The following DISP2 variants were observed in gnomAD, a reference collection of about 807,000 sequenced individuals.
DISP2 encodes the protein dispatched RND transporter family member 2.
A neutral mutation model predicts 95.5 loss-of-function variants in DISP2; 59 were observed. That is an observed-to-expected ratio of 0.62 (90% CI 0.50 to 0.77). The LOEUF (loss-of-function observed/expected upper bound fraction) is 0.77, where lower values mean the gene tolerates loss of function less well. Ranked by LOEUF, DISP2 falls within the 30% of genes least tolerant of loss-of-function variation. The pLI is 0.00. For synonymous variants in DISP2, 827 were observed against 815.0 expected, an observed-to-expected ratio of 1.01 and a Z score of -0.25; for missense variants, 1,752 against 1,854.6, an observed-to-expected ratio of 0.94 and a Z score of 1.02.
At position 40,367,864 on chromosome 15, in the gene DISP2, C is replaced by T. The variant is rs749620428; in HGVS notation, c.1752C>T (p.Arg584=). The change falls in exon 8 of 8, where the codon CGC becomes CGT. Residue 584 remains arginine, a synonymous_variant. Coordinates refer to ENST00000267889, the MANE Select transcript of DISP2 (RefSeq NM_033510.3). Reference sequence around the variant, plus strand: ...GGGGGCTGGCGCAGCGCGTGGGCCGCACCATGCACCACTTCGGCTACCTGC... The same window carrying T: ...GGGGGCTGGCGCAGCGCGTGGGCCGTACCATGCACCACTTCGGCTACCTGC... ...PSGGLAQRVG[R]TMHHFGYLLL... 3.8e-6 allele frequency: 6 copies of T among 1,599,946 alleles called. No homozygotes were observed. Among genetic ancestry groups the T allele is most frequent in the South Asian group, 3.3e-5 (3 of 90,988 alleles).
Position 40,368,103 on chromosome 15 carries a change from C to A in DISP2, c.1991C>A (p.Ala664Glu), listed in dbSNP as rs1292465631. 2.8e-5 allele frequency: 38 copies of A among 1,353,796 alleles called. No homozygotes were observed. The highest frequency in any genetic ancestry group is 3.9e-5 in the Admixed American group (1 of 25,382). 83.9% of individuals were successfully genotyped at this position (1,353,796 alleles called of 1,614,324 possible). Residue 664 changes from alanine (A) to glutamate (E), a missense_variant, in exon 8 of 8, where the codon GCG becomes GAG. Ala to Glu is a moderately radical substitution (Grantham distance 107, BLOSUM62 -1). Around this residue, in one of 5 missense-constraint regions of DISP2, gnomAD observed 732 missense variants for 714.6 expected, o/e 1.02. Transcript: ENST00000267889. The stretch of plus-strand genomic sequence containing the variant: ...GCGCGGGGCCGGTGGGAGGGCAGCG[C>A]GCCCCGGCGGCTACTGCTGGCGCTG... The part of the protein sequence containing the change: ...RRARGRWEGS[A>E]PRRLLLALHR...
In DISP2 at chr15:40,364,495, T is replaced by C. The variant is rs1357746109; in HGVS notation, c.554T>C (p.Leu185Pro). The stretch of plus-strand genomic sequence containing the variant: ...CTGGCTGTCATCTTCCTCTGCACCC[T>C]GGCTGGACTGTTGGGGGCCCGGCTG... ...LCLAVIFLCT[L>P]AGLLGARLPD... Residue 185 changes from leucine to proline, a missense_variant, in exon 4 of 8, where the codon CTG becomes CCG. By Grantham distance (98) the Leu-to-Pro change is moderately conservative (BLOSUM62 -3). Around this residue, in one of 5 missense-constraint regions of DISP2, gnomAD observed 342 missense variants for 364.3 expected, o/e 0.94. Transcript: ENST00000267889. 3 of 1,613,962 alleles carry C rather than the reference T, an allele frequency of 1.9e-6. No individual in the cohort carries two copies. The African/African-American group carries it at 4.0e-5, about 22-fold the overall frequency.
rs373924346 is a variant in DISP2, at chr15:40,370,156, G to A, written c.4044G>A (p.Val1348=). ...DTLWLALRET[V]YDPSLPASHH... ...TGTGGCTGGCGCTGAGGGAGACAGT[G>A]TATGACCCATCATTGCCCGCTTCCC... The change falls in exon 8 of 8, where the codon GTG becomes GTA. Residue 1348 remains valine, a synonymous_variant. Coordinates refer to ENST00000267889, the MANE Select transcript of DISP2 (RefSeq NM_033510.3). 6 of 1,612,022 alleles carry A rather than the reference G, an allele frequency of 3.7e-6. No individual in the cohort carries two copies. The highest frequency in any genetic ancestry group is 4.2e-6 in the Non-Finnish European group (5 of 1,179,138).
In DISP2 at chr15:40,364,871, A is replaced by G. The variant is rs768108479; in HGVS notation, c.637A>G (p.Lys213Glu). ...FEPRDTDIGS[K>E]LVVWRALQAL... ...GCCACGGGACACAGACATTGGGAGC[A>G]AGTTAGTGGTCTGGAGAGCACTACA... The change falls in exon 5 of 8, where the codon AAG becomes GAG. Residue 213 changes from lysine (K) to glutamate (E), a missense_variant. By Grantham distance (56) the Lys-to-Glu change is moderately conservative. This residue lies in a region of DISP2 where 342 missense variants were observed against 364.3 expected (regional missense o/e 0.94). Transcript: ENST00000267889. 3.1e-6 allele frequency: 5 copies of G among 1,614,132 alleles called. No individual in the cohort carries two copies. The highest frequency in any genetic ancestry group is 3.4e-6 in the Non-Finnish European group (4 of 1,180,006).
At chr15:40,367,034 T>C (rs1248910904) in intron 7 of DISP2, 24 bp from the exon 8 acceptor site, 1 of 1,602,440 alleles carries the variant, frequency 6.2e-7, no homozygotes, top group South Asian at 1.1e-5. Flanking sequence ...CCCTGAACTC[T>C]CCCCTCCTGC....
In DISP2 at chr15:40,358,262, C is replaced by A; in HGVS notation, c.-60C>A. On this transcript the variant is annotated 5_prime_UTR_variant, in exon 1 of 8. Coordinates refer to ENST00000267889, the MANE Select transcript of DISP2 (RefSeq NM_033510.3). ...CCGCCGCTGCCGCCGCCACCGCCGC[C>A]GCCGCCGCCGCCGCCGCGGCTTCAG... is the stretch of plus-strand genomic sequence containing the variant. 2 of 1,170,224 alleles carry A rather than the reference C, an allele frequency of 1.7e-6. No individual in the cohort carries two copies. Among genetic ancestry groups the A allele is most frequent in the Non-Finnish European group, 2.1e-6 (2 of 948,910 alleles). The allele number at this position is 1,170,224 out of a possible 1,614,324, so 72.5% of individuals were successfully genotyped here. A position where few individuals can be genotyped will look rare whatever the true frequency, so the allele number is the denominator to read the frequency against.
rs554293926 is a variant in DISP2, at chr15:40,372,034, G to A, written c.*1716G>A. Reference sequence around the variant, plus strand: ...GTCTCAGACTGGAAGGGGCCTTGGCGATCGTTTATTCCAGCAGTTTTCAAA... The same window carrying A: ...GTCTCAGACTGGAAGGGGCCTTGGCAATCGTTTATTCCAGCAGTTTTCAAA... On this transcript the variant is annotated 3_prime_UTR_variant, in exon 8 of 8. Transcript: ENST00000267889. The A allele has an allele frequency of 2.0e-5, 3 of 152,304 alleles. No homozygotes were observed. The highest frequency in any genetic ancestry group is 1.5e-5 in the Non-Finnish European group (1 of 68,030). 9.4% of individuals were successfully genotyped at this position (152,304 alleles called of 1,614,324 possible).
intron 1 of DISP2, among the ~76,000 whole-genome samples, chr15:40,362,260 A>G (rs1482650316): frequency 6.6e-6 from 1 of 152,158 alleles, no homozygotes; most frequent in Non-Finnish European, 1.5e-5. Context: ...TTGCTTCCAC[A>G]AACTTTCCCT....
rs1253338162 is a variant in DISP2 at position 40,374,511 on chromosome 15, T to C, written c.*4193T>C. 6.7e-6 allele frequency: 1 copy of C among 149,034 alleles called. No homozygotes were observed. Among genetic ancestry groups the C allele is most frequent in the East Asian group, 2.2e-4 (1 of 4,582 alleles). The allele number at this position is 149,034 out of a possible 1,614,324, so 9.2% of individuals were successfully genotyped here. The stretch of plus-strand genomic sequence containing the variant: ...CCCCCTCCAACTCATTCTGTCCTTC[T>C]CCCAGTGCATGTCAGGACAGGGAAG... On this transcript the variant is annotated 3_prime_UTR_variant, in exon 8 of 8. Transcript: ENST00000267889.
chr15:40,374,958 T>C lies in DISP2; in HGVS notation c.*4640T>C, dbSNP rs1372711440. ...GTATCTCATTTTTTGATAATACACA[T>C]GGGTAATGGCAAGCTCTTGGGACCC... is the stretch of plus-strand genomic sequence containing the variant. On this transcript the variant is annotated 3_prime_UTR_variant, in exon 8 of 8. Transcript: ENST00000267889. 1 of 152,150 alleles carries C rather than the reference T, an allele frequency of 6.6e-6. No homozygotes were observed. Among genetic ancestry groups the C allele is most frequent in the Non-Finnish European group, 1.5e-5 (1 of 68,032 alleles). 9.4% of individuals were successfully genotyped at this position (152,150 alleles called of 1,614,324 possible). A position where few individuals can be genotyped will look rare whatever the true frequency, so the allele number is the denominator to read the frequency against.
chr15:40,363,765 C>T lies in DISP2; in HGVS notation c.260C>T (p.Pro87Leu), dbSNP rs757425979. The T allele has an allele frequency of 6.2e-6, 10 of 1,613,860 alleles. No homozygotes were observed. Among genetic ancestry groups the T allele is most frequent in the Non-Finnish European group, 8.5e-6 (10 of 1,179,860 alleles). Residue 87 changes from proline to leucine, a missense_variant, in exon 2 of 8, where the codon CCC (proline) becomes CTC (leucine). Coordinates refer to ENST00000267889, the MANE Select transcript of DISP2 (RefSeq NM_033510.3). ...CTCCAGCCTGTGGGTCCATCCAGCC[C>T]CTTGGCCCCTGCCCACTTCACCTAT... ...STLQPVGPSS[P>L]LAPAHFTYPR...
In DISP2 at chr15:40,368,482, T is replaced by C; in HGVS notation, c.2370T>C (p.Arg790=). ...PVDTGDPLDP[R]SNSSLVRDPA... is the part of the protein sequence containing the mutation. ...ACACTGGCGACCCTCTGGACCCTCG[T>C]AGCAACAGCAGCCTGGTGAGGGACC... The change falls in exon 8 of 8, where the codon CGT becomes CGC. Residue 790 remains arginine (R), a synonymous_variant. Coordinates refer to ENST00000267889, the MANE Select transcript of DISP2 (RefSeq NM_033510.3). 6 of 1,608,890 alleles carry C rather than the reference T, an allele frequency of 3.7e-6. No individual in the cohort carries two copies. The highest frequency in any genetic ancestry group is 5.1e-6 in the Non-Finnish European group (6 of 1,179,852).
Position 40,370,135 on chromosome 15 carries a change from G to T in DISP2, c.4023G>T (p.Trp1341Cys). 1.2e-6 allele frequency: 2 copies of T among 1,608,520 alleles called. No individual in the cohort carries two copies. The highest frequency in any genetic ancestry group is 3.3e-4 in the Middle Eastern group (2 of 6,044). Residue 1341 changes from tryptophan to cysteine, a missense_variant, in exon 8 of 8, where the codon TGG (tryptophan) becomes TGT (cysteine). Trp to Cys is a radical substitution (Grantham distance 215). Coordinates refer to ENST00000267889, the MANE Select transcript of DISP2 (RefSeq NM_033510.3). Reference protein sequence around the residue: ...GQLNGKRDTLWLALRETVYDP... With the variant: ...GQLNGKRDTLCLALRETVYDP... The stretch of plus-strand genomic sequence containing the variant: ...TCAATGGGAAGCGGGACACCCTGTG[G>T]CTGGCGCTGAGGGAGACAGTGTATG...
In DISP2 at chr15:40,378,486, T is replaced by A. The variant is rs545867273; in HGVS notation, c.*8168T>A. On this transcript the variant is annotated 3_prime_UTR_variant, in exon 8 of 8. Transcript: ENST00000267889. ...TTGTACACTTAAAATATGTGGTCTA[T>A]GGAATGTTAATTATATCTCAATAAA... 9.9e-5 allele frequency: 15 copies of A among 152,202 alleles called. No homozygotes were observed. The highest frequency in any genetic ancestry group is 1.9e-4 in the Non-Finnish European group (13 of 68,024). The allele number at this position is 152,202 out of a possible 1,614,324, so 9.4% of individuals were successfully genotyped here. A position where few individuals can be genotyped will look rare whatever the true frequency, so the allele number is the denominator to read the frequency against.
intron 1 of DISP2, among the ~76,000 whole-genome samples, chr15:40,358,802 G>C (rs1213959015): frequency 6.6e-6 from 1 of 152,234 alleles, no homozygotes; most frequent in Non-Finnish European, 1.5e-5. Flanking sequence ...ACCTCAGTCC[G>C]GGTTTCAGCG....
intron 1 of DISP2, among the ~76,000 whole-genome samples, chr15:40,362,764 C>CG (rs750684765): frequency 5.3e-5 from 8 of 151,976 alleles, no homozygotes; most frequent in East Asian, 1.9e-4. Flanking sequence ...ATGCAGTTAT[C>CG]GGGGGGGATA....
rs944705800 is a variant in DISP2 at position 40,370,748 on chromosome 15, A to T, written c.*430A>T. 46 of 443,830 alleles carry T rather than the reference A, an allele frequency of 1.0e-4. No homozygotes were observed. The highest frequency in any genetic ancestry group is 2.0e-4 in the Non-Finnish European group (43 of 220,118). 27.5% of individuals were successfully genotyped at this position (443,830 alleles called of 1,614,324 possible). A position where few individuals can be genotyped will look rare whatever the true frequency, so the allele number is the denominator to read the frequency against. On this transcript the variant is annotated 3_prime_UTR_variant, in exon 8 of 8. Transcript: ENST00000267889. ...CTTACTGACCAGAGGAGCCCGCAGC[A>T]ATCTCCACAGCCTCCTGGGTCTCAC...
rs928889239 is a variant in DISP2 at position 40,368,400 on chromosome 15, C to G, written c.2288C>G (p.Pro763Arg). The G allele has an allele frequency of 5.0e-6, 8 of 1,608,308 alleles. No homozygotes were observed. Among genetic ancestry groups the G allele is most frequent in the Non-Finnish European group, 6.8e-6 (8 of 1,179,826 alleles). ...YRQLFLFEQLPQGEGGHMPVV... is the reference protein window; with the variant it reads ...YRQLFLFEQLRQGEGGHMPVV... The stretch of plus-strand genomic sequence containing the variant: ...CAGCTGTTCCTGTTCGAGCAGCTGC[C>G]GCAGGGCGAGGGCGGCCACATGCCC... The change falls in exon 8 of 8, where the codon CCG (proline) becomes CGG (arginine). Residue 763 changes from proline to arginine, a missense_variant. Transcript: ENST00000267889.
Position 40,377,025 on chromosome 15 carries a change from G to A in DISP2, c.*6707G>A, listed in dbSNP as rs966436042. On this transcript the variant is annotated 3_prime_UTR_variant, in exon 8 of 8. Transcript: ENST00000267889. ...ACTTTAATCTGCAGCTCCACAGTTTGAACAAAAACAGACTGAAGGCTGGGC... is the reference window on the plus strand; with the variant it reads ...ACTTTAATCTGCAGCTCCACAGTTTAAACAAAAACAGACTGAAGGCTGGGC... The A allele has an allele frequency of 6.6e-6, 1 of 152,158 alleles. No homozygotes were observed. The highest frequency in any genetic ancestry group is 1.5e-5 in the Non-Finnish European group (1 of 68,048). The allele number at this position is 152,158 out of a possible 1,614,324, so 9.4% of individuals were successfully genotyped here.
Sources: allele counts gnomAD v4.1 joint callset (sites outside exome capture counted in the v4.1 genomes callset), GRCh38; gene constraint gnomAD v4.1.1; regional missense constraint gnomAD v4.1.1; transcripts MANE v1.5; gene names NCBI Gene and HGNC (gene_info 2026-07-23, HGNC 2026-07-21).